Variants in SAMMSON observed in about 807,000 individuals in gnomAD.
The protein encoded by SAMMSON is survival associated mitochondrial melanoma specific oncogenic non-coding RNA.
At chr3:70,018,842 C>G (rs1353356007) in intron 3 of SAMMSON, among the ~76,000 whole-genome samples, 2 of 152,162 alleles carry the variant, frequency 1.3e-5, no homozygotes, top group Non-Finnish European at 2.9e-5. Flanking sequence ...GTTATGGACT[C>G]AGTAGTCATT....
chr3:70,312,084 A>G (rs979645910), intron 7 of SAMMSON: 5 of 391,126 alleles, frequency 1.3e-5, no homozygotes, highest in East Asian at 1.1e-4. Flanking sequence ...TTTTATCTCT[A>G]TAGTTTTTCA....
At chr3:70,278,162 T>A (rs1702046134) in intron 6 of SAMMSON, among the ~76,000 whole-genome samples, 1 of 152,202 alleles carries the variant, frequency 6.6e-6, no homozygotes, top group African/African-American at 2.4e-5. Context: ...TGCCTGTTCT[T>A]ATATAAATGG....
At chr3:70,274,725 T>G (rs1469662544) in intron 6 of SAMMSON, among the ~76,000 whole-genome samples, 1 of 152,090 alleles carries the variant, frequency 6.6e-6, no homozygotes, top group African/African-American at 2.4e-5. Flanking sequence ...GTAACAAACC[T>G]GCACATCCTG....
intron 9 of SAMMSON, among the ~76,000 whole-genome samples, chr3:70,360,042 G>A (rs1308043079): frequency 1.3e-5 from 2 of 152,042 alleles, no homozygotes; most frequent in Non-Finnish European, 2.9e-5. Context: ...GACTTCCGTC[G>A]GCGCATTTGC....
At chr3:70,170,907 T>C (rs550063761) in intron 4 of SAMMSON, among the ~76,000 whole-genome samples, 1 of 151,920 alleles carries the variant, frequency 6.6e-6, no homozygotes, top group Non-Finnish European at 1.5e-5. Flanking sequence ...TCAAATACAC[T>C]GTTCTTAAAC....
At chr3:70,153,770 G>C (rs543347990) in intron 4 of SAMMSON, among the ~76,000 whole-genome samples, 1 of 152,048 alleles carries the variant, frequency 6.6e-6, no homozygotes, top group African/African-American at 2.4e-5. Flanking sequence ...CATTCACACT[G>C]TTGTGCAGCC....
chr3:70,108,710 C>A (rs967773823), intron 4 of SAMMSON, among the ~76,000 whole-genome samples: 7 of 151,814 alleles, frequency 4.6e-5, no homozygotes, highest in African/African-American at 1.7e-4. Flanking sequence ...CTCACTCCCT[C>A]CCCGCATGCA....
At chr3:70,430,506 G>GA (rs1701405360) in intron 2 of SAMMSON, among the ~76,000 whole-genome samples, 1 of 152,072 alleles carries the variant, frequency 6.6e-6, no homozygotes. Context: ...AGGTTTCTTT[G>GA]AAAAAGAGAC....
At chr3:70,163,446 A>G (rs2067624482) in intron 4 of SAMMSON, among the ~76,000 whole-genome samples, 2 of 151,606 alleles carry the variant, frequency 1.3e-5, no homozygotes, top group South Asian at 4.1e-4. Context: ...GATTAATATT[A>G]GCTTACTTTC....
intron 7 of SAMMSON, among the ~76,000 whole-genome samples, chr3:70,291,435 A>C (rs527626930): frequency 6.6e-6 from 1 of 152,320 alleles, no homozygotes; most frequent in South Asian, 2.1e-4. Context: ...TAGAGCTATT[A>C]GCTACCTTCT....
At chr3:70,173,778 G>T (rs1457652466) in intron 4 of SAMMSON, among the ~76,000 whole-genome samples, 2 of 151,686 alleles carry the variant, frequency 1.3e-5, no homozygotes, top group Non-Finnish European at 2.9e-5. Context: ...TTCTTTAAGA[G>T]AATAAAACAG....
chr3:70,011,622 C>G (rs547850220), intron 1 of SAMMSON, among the ~76,000 whole-genome samples: 172 of 141,712 alleles, frequency 1.2e-3, no homozygotes, highest in African/African-American at 4.3e-3. Context: ...TTTTTTTTTA[C>G]TATGGAAGTG....
At chr3:70,088,962 T>C (rs2067296210) in intron 4 of SAMMSON, among the ~76,000 whole-genome samples, 1 of 152,090 alleles carries the variant, frequency 6.6e-6, no homozygotes, top group Admixed American at 6.5e-5. Flanking sequence ...CTCAGAAAAT[T>C]TCTGTTTCAT....
intron 6 of SAMMSON, among the ~76,000 whole-genome samples, chr3:70,258,152 G>C (rs11708757): frequency 0.25 from 38,309 of 151,844 alleles, 4,841 homozygotes; most frequent in South Asian, 0.31. Flanking sequence ...ATGGATCATC[G>C]ATCTAAATGT....
At chr3:70,369,100 T>C (rs1702944257) in intron 9 of SAMMSON, among the ~76,000 whole-genome samples, 1 of 151,616 alleles carries the variant, frequency 6.6e-6, no homozygotes, top group South Asian at 2.1e-4. Flanking sequence ...TATTTTTTGG[T>C]GCTATTATAA....
At chr3:70,412,133 G>A (rs957224176) in intron 2 of SAMMSON, among the ~76,000 whole-genome samples, 1 of 152,100 alleles carries the variant, frequency 6.6e-6, no homozygotes, top group African/African-American at 2.4e-5. Context: ...GCTGATGAAA[G>A]TAAAAGCAGT....
In SAMMSON at chr3:70,434,570, AT is replaced by A. The variant is rs58633750; in HGVS notation, n.234-27981del. ...AACTGTGTCATCTGTGAATAAAGAC[AT>A]TTTTTTTTCCTTCCCAAACTATGTA... On this transcript the variant is annotated intron_variant and non_coding_transcript_variant, in intron 2 of 3. Transcript: ENST00000641053. Among the ~76,000 whole-genome samples the A allele has an allele frequency of 1.1e-4, 17 of 151,278 alleles. 1 individual carries two copies. Among genetic ancestry groups the A allele is most frequent in the Admixed American group, 4.0e-4 (6 of 15,162 alleles).
At chr3:70,385,918 C>A (rs1282283409) in intron 9 of SAMMSON, among the ~76,000 whole-genome samples, 2 of 151,996 alleles carry the variant, frequency 1.3e-5, no homozygotes, top group Admixed American at 1.3e-4. Flanking sequence ...CTATTAATAT[C>A]TCTTTCCAAC....
chr3:70,002,006 A>G (rs912560817), intron 1 of SAMMSON, among the ~76,000 whole-genome samples: 1 of 152,150 alleles, frequency 6.6e-6, no homozygotes, highest in Non-Finnish European at 1.5e-5. Context: ...GAGTTAACCA[A>G]AGACATACAG....
Sources: allele counts gnomAD v4.1 joint callset (sites outside exome capture counted in the v4.1 genomes callset), GRCh38; gene constraint gnomAD v4.1.1; transcripts MANE v1.5; gene names NCBI Gene and HGNC (gene_info 2026-07-23, HGNC 2026-07-21).